Variants in POFUT1 observed in about 807,000 individuals in gnomAD.
POFUT1 encodes the protein GDP-fucose protein O-fucosyltransferase 1.
POFUT1 carries 16 observed loss-of-function variants against 42.4 expected under a neutral mutation model. The ratio of observed to expected loss-of-function variants is 0.38; its 90% CI spans 0.26 to 0.57. POFUT1 has a LOEUF of 0.57. Among genes scored for constraint, POFUT1 ranks in the 20% least tolerant of loss-of-function variants. The probability of loss-of-function intolerance (pLI) is 0.71; values close to 1 mark genes in which losing one functional copy is unlikely to be tolerated. For missense variants in POFUT1, 470 were observed against 504.6 expected, an observed-to-expected ratio of 0.93 and a Z score of 0.66; for synonymous variants, 206 against 205.4, an observed-to-expected ratio of 1.00 and a Z score of -0.03.
chr20:32,215,604 G>C (rs750315348), intron 3 of POFUT1, among the ~76,000 whole-genome samples, 153 bp downstream of exon 3: 3 of 152,210 alleles, frequency 2.0e-5, no homozygotes, highest in Non-Finnish European at 4.4e-5. Flanking sequence ...TGTTAGCGAA[G>C]CTGCATCACC....
chr20:32,221,530 T>C (rs1449208063), intron 4 of POFUT1, among the ~76,000 whole-genome samples: 2 of 151,790 alleles, frequency 1.3e-5, no homozygotes, highest in Admixed American at 1.3e-4. Flanking sequence ...CTGGGCAACG[T>C]AGGGAGACCC....
chr20:32,208,070 G>A lies in POFUT1; in HGVS notation c.124+5G>A, dbSNP rs1312278921. On this transcript the variant is annotated splice_donor_5th_base_variant and intron_variant, in intron 1 of 6. Coordinates refer to ENST00000375749, the MANE Select transcript of POFUT1 (RefSeq NM_015352.2). ...TGCTCTACTGCCCCTGCATGGGTAA[G>A]GCCTCCCAAGCCCTCTGCTCAGATG... The A allele has an allele frequency of 2.6e-6, 4 of 1,547,824 alleles. No individual in the cohort carries two copies. The highest frequency in any genetic ancestry group is 2.4e-5 in the East Asian group (1 of 41,098).
chr20:32,217,132 T>C, intron 4 of POFUT1: 1 of 1,587,630 alleles, frequency 6.3e-7, no homozygotes, highest in Non-Finnish European at 8.6e-7. Flanking sequence ...ACGTGTTTAT[T>C]AATTGCACCC....
chr20:32,216,900 C>T (rs531310354), intron 4 of POFUT1, 179 bp downstream of exon 4: 16 of 1,552,294 alleles, frequency 1.0e-5, no homozygotes, highest in East Asian at 6.8e-5. Context: ...ACGCCTGACA[C>T]GGTGGAACAT....
chr20:32,224,899 A>G, intron 4 of POFUT1, among the ~76,000 whole-genome samples: 1 of 152,240 alleles, frequency 6.6e-6, no homozygotes, highest in East Asian at 1.9e-4. Flanking sequence ...CAACATGGCC[A>G]AGTCTCTGAA....
Position 32,236,182 on chromosome 20 carries a change from GAGA to G in POFUT1, c.*1524_*1526del. On this transcript the variant is annotated 3_prime_UTR_variant, in exon 7 of 7. Transcript: ENST00000375749. Reference sequence around the variant, plus strand: ...CAGACTTGCTCTCAAGCCTCATCCAGAGAAGGAGCTGCAGATGAGGGAGCCCGT... The same window carrying G: ...CAGACTTGCTCTCAAGCCTCATCCAGAGGAGCTGCAGATGAGGGAGCCCGT... 1 of 152,248 alleles carries G rather than the reference GAGA, an allele frequency of 6.6e-6. No homozygotes were observed. The highest frequency in any genetic ancestry group is 1.5e-5 in the Non-Finnish European group (1 of 68,060). 9.4% of individuals were successfully genotyped at this position (152,248 alleles called of 1,614,324 possible).
chr20:32,230,511 A>G (rs552897063), intron 5 of POFUT1, among the ~76,000 whole-genome samples: 45 of 151,696 alleles, frequency 3.0e-4, no homozygotes, highest in Non-Finnish European at 6.2e-4. Flanking sequence ...CCTGGCCAAC[A>G]TGGCAAAACT....
In POFUT1 at chr20:32,237,841, C is replaced by T. The variant is rs776769146; in HGVS notation, c.*3180C>T. 3 of 534,258 alleles carry T rather than the reference C, an allele frequency of 5.6e-6. No individual in the cohort carries two copies. Among genetic ancestry groups the T allele is most frequent in the South Asian group, 2.8e-5 (2 of 71,536 alleles). The allele number at this position is 534,258 out of a possible 1,614,324, so 33.1% of individuals were successfully genotyped here. On this transcript the variant is annotated 3_prime_UTR_variant, in exon 7 of 7. Coordinates refer to ENST00000375749, the MANE Select transcript of POFUT1 (RefSeq NM_015352.2). Reference sequence around the variant, plus strand: ...CCCTAGACTAGGACTCCAGTGCCCTCCTCTCCCAAGAGACAAAGGCCATTG... The same window carrying T: ...CCCTAGACTAGGACTCCAGTGCCCTTCTCTCCCAAGAGACAAAGGCCATTG...
rs780725234 is a variant in POFUT1, at chr20:32,207,980, T to C, written c.39T>C (p.Ser13=). ...AAAWARPLSV[S]FLLLLLPLPG... ...CGTGGGCACGGCCGCTGAGCGTGTC[T>C]TTCCTGCTGCTGCTTCTGCCGCTCC... The change falls in exon 1 of 7, where the codon TCT becomes TCC. Residue 13 remains serine, a synonymous_variant. Coordinates refer to ENST00000375749, the MANE Select transcript of POFUT1 (RefSeq NM_015352.2). The C allele has an allele frequency of 6.3e-7, 1 of 1,594,436 alleles. No homozygotes were observed. Among genetic ancestry groups the C allele is most frequent in the South Asian group, 1.1e-5 (1 of 89,506 alleles).
intron 6 of POFUT1, among the ~76,000 whole-genome samples, chr20:32,233,051 C>CA (rs1413288511): frequency 5.3e-5 from 8 of 152,218 alleles, no homozygotes; most frequent in African/African-American, 1.9e-4. Flanking sequence ...CAGGTCCATT[C>CA]ATTCACCTGT....
intron 1 of POFUT1, among the ~76,000 whole-genome samples, chr20:32,208,505 T>C (rs1161080098): frequency 1.3e-5 from 2 of 151,978 alleles, no homozygotes; most frequent in South Asian, 4.1e-4. Context: ...TTCATTTTAG[T>C]TGGGGAAGAC....
chr20:32,233,558 G>A (rs759431978), intron 6 of POFUT1, among the ~76,000 whole-genome samples: 41 of 152,164 alleles, frequency 2.7e-4, no homozygotes, highest in Non-Finnish European at 4.6e-4. Context: ...CAGGTGTGAG[G>A]TTATCTCGAA....
intron 4 of POFUT1, chr20:32,217,347 T>C: frequency 2.6e-6 from 3 of 1,161,296 alleles, no homozygotes; most frequent in Non-Finnish European, 3.2e-6. Context: ...CTTAATGTTA[T>C]AGCATGGCAG....
At chr20:32,212,144 C>T (rs1399095490) in intron 2 of POFUT1, among the ~76,000 whole-genome samples, 1 of 152,156 alleles carries the variant, frequency 6.6e-6, no homozygotes, top group Non-Finnish European at 1.5e-5. Context: ...ATATTAGTTG[C>T]TATTATTACC....
At chr20:32,216,189 C>T (rs560114121) in intron 3 of POFUT1, among the ~76,000 whole-genome samples, 1 of 152,340 alleles carries the variant, frequency 6.6e-6, no homozygotes, top group African/African-American at 2.4e-5. Flanking sequence ...CTCACAGCCC[C>T]AACAGTGCCC....
At chr20:32,228,525 A>G in intron 5 of POFUT1, 70 bp downstream of exon 5, 1 of 1,375,404 alleles carries the variant, frequency 7.3e-7, no homozygotes, top group Non-Finnish European at 1.0e-6. Context: ...GCCTGTAGGG[A>G]TCGGCCCCGC....
At chr20:32,209,791 G>C (rs1236103003) in intron 1 of POFUT1, among the ~76,000 whole-genome samples, 2 of 152,230 alleles carry the variant, frequency 1.3e-5, no homozygotes, top group Non-Finnish European at 2.9e-5. Flanking sequence ...TCTTCTGGCT[G>C]AGGGACAGCA....
chr20:32,219,074 A>G (rs1029617783), intron 4 of POFUT1, among the ~76,000 whole-genome samples: 3 of 152,174 alleles, frequency 2.0e-5, no homozygotes, highest in African/African-American at 7.2e-5. Context: ...CTGAGTGTCA[A>G]GGGCTGGTTT....
At chr20:32,230,304 G>A (rs983056926) in intron 5 of POFUT1, among the ~76,000 whole-genome samples, 13 of 148,366 alleles carry the variant, frequency 8.8e-5, no homozygotes, top group East Asian at 2.0e-4. Context: ...GGAGAATGGC[G>A]TGAACCCAGG....
Sources: allele counts gnomAD v4.1 joint callset (sites outside exome capture counted in the v4.1 genomes callset), GRCh38; gene constraint gnomAD v4.1.1; transcripts MANE v1.5; gene names NCBI Gene and HGNC (gene_info 2026-07-23, HGNC 2026-07-21).